KAZN: variants seen among roughly 807,000 people sequenced by gnomAD.
KAZN encodes kazrin, periplakin interacting protein.
Under a neutral mutation model 87.4 loss-of-function variants are expected in KAZN, and 40 were observed. The ratio of observed to expected loss-of-function variants is 0.46; its 90% CI spans 0.36 to 0.60. The LOEUF (loss-of-function observed/expected upper bound fraction) is 0.60. Among genes scored for constraint, KAZN ranks in the 20% least tolerant of loss-of-function variants. KAZN has a pLI of 0.00. For missense variants in KAZN, 898 were observed against 1,073.9 expected (o/e 0.84, Z 2.29); for synonymous variants, 466 against 458.3 (o/e 1.02, Z -0.22).
chr1:14,546,711 G>C (rs1673169651), intron 2 of KAZN, among the ~76,000 whole-genome samples: 1 of 152,110 alleles, frequency 6.6e-6, no homozygotes, highest in South Asian at 2.1e-4. Context: ...TGCAATCTGT[G>C]TCAGGGTCTA....
chr1:13,970,206 G>A (rs1642088131), intron 1 of KAZN, among the ~76,000 whole-genome samples: 1 of 152,194 alleles, frequency 6.6e-6, no homozygotes, highest in South Asian at 2.1e-4. Context: ...TCTGTTCTCA[G>A]CCTCTCTTAT....
chr1:14,896,041 C>CTTTTTTTTTTTT (rs201188620), intron 1 of KAZN, among the ~76,000 whole-genome samples: 117 of 140,714 alleles, frequency 8.3e-4, no homozygotes, highest in African/African-American at 3.0e-3. Context: ...AAAAAGACGC[C>CTTTTTTTTTTTT]TTTTTTTTTT....
At position 14,849,844 on chromosome 1, in the gene KAZN, G is replaced by C. The variant is rs529633956; in HGVS notation, c.227-110840G>C. Among the ~76,000 whole-genome samples the C allele has an allele frequency of 3.2e-4, 48 of 152,062 alleles. No homozygotes were observed. In the South Asian group the frequency reaches 7.7e-3, roughly 24 times the overall value. ...TTTGAGTTTTTCCATCTTACTCACGGCTCCCCCAGATAGCTTAGCAGCAGT... is the reference window on the plus strand; with the variant it reads ...TTTGAGTTTTTCCATCTTACTCACGCCTCCCCCAGATAGCTTAGCAGCAGT... On this transcript the variant is annotated intron_variant, in intron 1 of 14. Transcript: ENST00000376030.
intron 1 of KAZN, among the ~76,000 whole-genome samples, chr1:14,647,771 A>T (rs1459597127): frequency 6.6e-6 from 1 of 152,194 alleles, no homozygotes; most frequent in Non-Finnish European, 1.5e-5. Context: ...TGAAAAGAAC[A>T]AATCTGTAAT....
intron 1 of KAZN, among the ~76,000 whole-genome samples, chr1:14,760,686 G>A (rs1644715758): frequency 6.6e-6 from 1 of 152,216 alleles, no homozygotes; most frequent in Non-Finnish European, 1.5e-5. Context: ...AGGTGTGGTA[G>A]CTTATGCCTG....
chr1:14,936,804 G>T (rs1265676683), intron 1 of KAZN, among the ~76,000 whole-genome samples: 1 of 152,166 alleles, frequency 6.6e-6, no homozygotes, highest in African/African-American at 2.4e-5. Flanking sequence ...CCTGTCCCCA[G>T]ATGCGACAAG....
chr1:14,261,341 G>A (rs981280620), intron 2 of KAZN, among the ~76,000 whole-genome samples: 1 of 152,180 alleles, frequency 6.6e-6, no homozygotes, highest in Non-Finnish European at 1.5e-5. Flanking sequence ...AATAAATCAG[G>A]AAATTTCAGC....
intron 1 of KAZN, among the ~76,000 whole-genome samples, chr1:13,915,899 A>C (rs1639834095): frequency 1.3e-5 from 2 of 152,232 alleles, no homozygotes; most frequent in African/African-American, 4.8e-5. Context: ...TTCTAGATGG[A>C]AAACAATTCA....
intron 4 of KAZN, among the ~76,000 whole-genome samples, chr1:15,046,625 G>A (rs139677704): frequency 2.0e-3 from 303 of 152,310 alleles, no homozygotes; most frequent in African/African-American, 5.5e-3. Context: ...GTAAAACCAC[G>A]GCAGGATGGT....
chr1:14,121,084 C>T (rs1020881092), intron 1 of KAZN, among the ~76,000 whole-genome samples: 6 of 152,014 alleles, frequency 3.9e-5, no homozygotes, highest in East Asian at 1.9e-4. Context: ...GAAGCAGAGG[C>T]GAGAGAAGGA....
chr1:14,728,466 G>GA (rs924014727), intron 1 of KAZN, among the ~76,000 whole-genome samples: 28 of 152,076 alleles, frequency 1.8e-4, no homozygotes, highest in African/African-American at 6.8e-4. Context: ...ATGGGTTGGG[G>GA]AACCCTGAAT....
At chr1:14,251,643 C>CTTTTTTAT (rs1650043846) in intron 2 of KAZN, among the ~76,000 whole-genome samples, 1 of 90,370 alleles carries the variant, frequency 1.1e-5, no homozygotes, top group Non-Finnish European at 1.9e-5. Flanking sequence ...TTCTCCCGGA[C>CTTTTTTAT]TTTTTTTTTT....
At chr1:14,104,577 T>C (rs898120962) in intron 1 of KAZN, among the ~76,000 whole-genome samples, 1 of 152,204 alleles carries the variant, frequency 6.6e-6, no homozygotes, top group African/African-American at 2.4e-5. Context: ...ACCCAAGACT[T>C]TGGCTACTTT....
At chr1:14,141,923 A>C (rs1353847244) in intron 1 of KAZN, among the ~76,000 whole-genome samples, 1 of 151,484 alleles carries the variant, frequency 6.6e-6, no homozygotes, top group Non-Finnish European at 1.5e-5. Context: ...TGAGGTTGTA[A>C]GTGAAAATGT....
chr1:14,871,307 T>C (rs967787974), intron 1 of KAZN, among the ~76,000 whole-genome samples: 1 of 151,212 alleles, frequency 6.6e-6, no homozygotes, highest in African/African-American at 2.4e-5. Context: ...ATTCCTTCCA[T>C]GAACCTTCTG....
At chr1:14,508,485 A>T (rs1473255133) in intron 2 of KAZN, among the ~76,000 whole-genome samples, 1 of 152,250 alleles carries the variant, frequency 6.6e-6, no homozygotes, top group African/African-American at 2.4e-5. Context: ...GATGAATTTT[A>T]AGACCTTCCT....
At chr1:14,031,512 G>A (rs7527544) in intron 1 of KAZN, among the ~76,000 whole-genome samples, 24,446 of 152,174 alleles carry the variant, frequency 0.16, 2,539 homozygotes, top group Non-Finnish European at 0.24. Context: ...CTTTGGCCTT[G>A]TTGAATTTTC....
chr1:15,005,153 C>T (rs1668873610), intron 2 of KAZN, among the ~76,000 whole-genome samples: 2 of 152,120 alleles, frequency 1.3e-5, no homozygotes, highest in Admixed American at 6.5e-5. Context: ...AGACCTGCCA[C>T]GTATTTTACA....
At chr1:14,935,514 C>A (rs1200035517) in intron 1 of KAZN, among the ~76,000 whole-genome samples, 1 of 151,766 alleles carries the variant, frequency 6.6e-6, no homozygotes, top group Non-Finnish European at 1.5e-5. Context: ...AATGCAAATT[C>A]TCTGTCCACT....
Sources: allele counts gnomAD v4.1 joint callset (sites outside exome capture counted in the v4.1 genomes callset), GRCh38; gene constraint gnomAD v4.1.1; transcripts MANE v1.5; gene names NCBI Gene and HGNC (gene_info 2026-07-23, HGNC 2026-07-21).